The following CLRN2 variants were observed in gnomAD, a reference collection of about 807,000 sequenced individuals.
CLRN2 encodes clarin-2.
In CLRN2, 17 loss-of-function variants were observed where a neutral mutation model predicts 20.1. That is an observed-to-expected ratio of 0.85 (90% CI 0.58 to 1.27). The LOEUF (loss-of-function observed/expected upper bound fraction) is 1.27, where lower values mean the gene tolerates loss of function less well. Ranked by LOEUF, CLRN2 falls within the 50% of genes most tolerant of loss-of-function variation. The pLI is 0.00. For missense variants in CLRN2, 288 were observed against 299.5 expected (o/e 0.96, Z 0.28); for synonymous variants, 140 against 126.9 (o/e 1.10, Z -0.70).
Position 17,515,264 on chromosome 4 carries a change from A to G in CLRN2, c.-3A>G. On this transcript the variant is annotated 5_prime_UTR_variant, in exon 1 of 3. An upstream open reading frame in the 5' UTR loses its in-frame stop. Transcript: ENST00000511148. The stretch of plus-strand genomic sequence containing the variant: ...ACCTTGGGGATGACCTGCACCCACT[A>G]GCATGCCTGGATGGTTCAAAAAGGC... 6.2e-7 allele frequency: 1 copy of G among 1,613,392 alleles called. No individual in the cohort carries two copies. Among genetic ancestry groups the G allele is most frequent in the Non-Finnish European group, 8.5e-7 (1 of 1,179,744 alleles).
chr4:17,516,012 G>A (rs1711662715), intron 1 of CLRN2, among the ~76,000 whole-genome samples: 1 of 152,210 alleles, frequency 6.6e-6, no homozygotes, highest in South Asian at 2.1e-4. Context: ...CAAGTGGGTG[G>A]AGGCTGCCTG....
At chr4:17,518,815 G>A (rs1377651282) in intron 1 of CLRN2, among the ~76,000 whole-genome samples, 1 of 151,850 alleles carries the variant, frequency 6.6e-6, no homozygotes, top group Non-Finnish European at 1.5e-5. Flanking sequence ...TGATAAAGGA[G>A]AGGCAGATAA....
At position 17,525,727 on chromosome 4, in the gene CLRN2, G is replaced by C. The variant is rs1250529683; in HGVS notation, c.434-1090G>C. Among the ~76,000 whole-genome samples, 6 of 152,050 alleles carry C rather than the reference G, an allele frequency of 3.9e-5. No homozygotes were observed. The East Asian group carries it at 1.2e-3, about 29-fold the overall frequency. On this transcript the variant is annotated intron_variant, in intron 2 of 2. Coordinates refer to ENST00000511148, the MANE Select transcript of CLRN2 (RefSeq NM_001079827.2). ...CAACACGTAAAAATGTCCAAGTGAG[G>C]GGAAAAAAATCAAATTTAAAATCAA...
chr4:17,516,137 C>A (rs1256900375), intron 1 of CLRN2, among the ~76,000 whole-genome samples: 1 of 152,160 alleles, frequency 6.6e-6, no homozygotes, highest in Non-Finnish European at 1.5e-5. Flanking sequence ...ATCAGACTAC[C>A]CTGGCTGAAA....
intron 1 of CLRN2, among the ~76,000 whole-genome samples, chr4:17,517,349 A>G (rs893325156): frequency 6.6e-6 from 1 of 152,126 alleles, no homozygotes; most frequent in Admixed American, 6.6e-5. Context: ...GGGAGAGGGG[A>G]GGCCAGAGAG....
chr4:17,523,090 G>A (rs758661344), intron 2 of CLRN2, 47 bp downstream of exon 2: 2 of 1,515,404 alleles, frequency 1.3e-6, no homozygotes, highest in East Asian at 4.6e-5. Flanking sequence ...ACCATCATAG[G>A]GCTGGGCTCC....
intron 1 of CLRN2, 49 bp from the exon 2 acceptor site, chr4:17,522,815 G>C: frequency 6.3e-7 from 1 of 1,580,078 alleles, no homozygotes; most frequent in South Asian, 1.2e-5. Context: ...CTTCATGAAA[G>C]TGAGTCTAAC....
At chr4:17,516,835 T>C (rs1711687621) in intron 1 of CLRN2, among the ~76,000 whole-genome samples, 1 of 152,242 alleles carries the variant, frequency 6.6e-6, no homozygotes, top group Non-Finnish European at 1.5e-5. Flanking sequence ...TTCGGGACTT[T>C]AGGGGTCAAG....
intron 1 of CLRN2, among the ~76,000 whole-genome samples, chr4:17,515,757 T>C (rs1333106967): frequency 6.6e-6 from 1 of 152,234 alleles, no homozygotes; most frequent in Non-Finnish European, 1.5e-5. Context: ...TTGTGCATTT[T>C]TGCAGTTTAC....
At chr4:17,516,290 A>G (rs1435520238) in intron 1 of CLRN2, among the ~76,000 whole-genome samples, 2 of 152,224 alleles carry the variant, frequency 1.3e-5, no homozygotes, top group African/African-American at 4.8e-5. Context: ...GTCTGCACAA[A>G]CAGGAATCCA....
At chr4:17,521,499 T>C (rs903086296) in intron 1 of CLRN2, among the ~76,000 whole-genome samples, 1 of 152,236 alleles carries the variant, frequency 6.6e-6, no homozygotes, top group African/African-American at 2.4e-5. Flanking sequence ...TTCATAATGT[T>C]CAATTCTTCA....
intron 2 of CLRN2, 37 bp from the exon 3 acceptor site, chr4:17,526,780 A>G (rs757720050): frequency 1.7e-5 from 28 of 1,608,560 alleles, no homozygotes; most frequent in Non-Finnish European, 2.2e-5. Context: ...AGTTGCAAAA[A>G]GGAGCCGTGA....
intron 1 of CLRN2, among the ~76,000 whole-genome samples, chr4:17,517,489 A>T (rs1195400313): frequency 6.6e-6 from 1 of 152,212 alleles, no homozygotes; most frequent in Non-Finnish European, 1.5e-5. Context: ...TAACCTAATG[A>T]CCAGACCCCT....
At position 17,527,093 on chromosome 4, in the gene CLRN2, C is replaced by T. The variant is rs1333261271; in HGVS notation, c.*11C>T. Reference sequence around the variant, plus strand: ...GATATCTTGTATTAATAGCCTTCCCCTGTTCACAACCTGTCCTAAGTCAGT... The same window carrying T: ...GATATCTTGTATTAATAGCCTTCCCTTGTTCACAACCTGTCCTAAGTCAGT... On this transcript the variant is annotated 3_prime_UTR_variant, in exon 3 of 3. Transcript: ENST00000511148. 3.1e-6 allele frequency: 5 copies of T among 1,612,814 alleles called. No homozygotes were observed. The highest frequency in any genetic ancestry group is 4.2e-6 in the Non-Finnish European group (5 of 1,179,418).
chr4:17,522,700 G>A (rs1711862462), intron 1 of CLRN2, among the ~76,000 whole-genome samples, 164 bp from the exon 2 acceptor site: 1 of 152,150 alleles, frequency 6.6e-6, no homozygotes, highest in South Asian at 2.1e-4. Flanking sequence ...TGAATCTGGG[G>A]GCCATGAGTT....
Position 17,522,917 on chromosome 4 carries a change from C to T in CLRN2, c.307C>T (p.Leu103=). The change falls in exon 2 of 3, where the codon CTG becomes TTG. Residue 103 remains leucine (L), a synonymous_variant. Coordinates refer to ENST00000511148, the MANE Select transcript of CLRN2 (RefSeq NM_001079827.2). Reference sequence around the variant, plus strand: ...CGCAGGCCTTCATGTGATGATTCTGCTGCTCCTCTTCCTGGCCTTGGCCCT... The same window carrying T: ...CGCAGGCCTTCATGTGATGATTCTGTTGCTCCTCTTCCTGGCCTTGGCCCT... ...LNAGLHVMIL[L]LLFLALALAL... 1 of 1,614,056 alleles carries T rather than the reference C, an allele frequency of 6.2e-7. No homozygotes were observed.
In CLRN2 at chr4:17,527,104, C is replaced by A; in HGVS notation, c.*22C>A. On this transcript the variant is annotated 3_prime_UTR_variant, in exon 3 of 3. Transcript: ENST00000511148. ...TTAATAGCCTTCCCCTGTTCACAACCTGTCCTAAGTCAGTTCTGTGTGCGA... is the reference window on the plus strand; with the variant it reads ...TTAATAGCCTTCCCCTGTTCACAACATGTCCTAAGTCAGTTCTGTGTGCGA... The A allele has an allele frequency of 1.2e-6, 2 of 1,611,558 alleles. No homozygotes were observed. Among genetic ancestry groups the A allele is most frequent in the Non-Finnish European group, 1.7e-6 (2 of 1,178,786 alleles).
chr4:17,520,556 G>A (rs1412352727), intron 1 of CLRN2, among the ~76,000 whole-genome samples: 1 of 152,224 alleles, frequency 6.6e-6, no homozygotes, highest in Middle Eastern at 3.2e-3. Flanking sequence ...ATATTTCTAT[G>A]AGACTTGAGA....
At chr4:17,516,972 A>G (rs1037306676) in intron 1 of CLRN2, among the ~76,000 whole-genome samples, 3 of 152,214 alleles carry the variant, frequency 2.0e-5, no homozygotes, top group Admixed American at 6.5e-5. Flanking sequence ...ATTGTCCGCT[A>G]TCTCAATGGG....
Sources: allele counts gnomAD v4.1 joint callset (sites outside exome capture counted in the v4.1 genomes callset), GRCh38; gene constraint gnomAD v4.1.1; transcripts MANE v1.5; gene names NCBI Gene and HGNC (gene_info 2026-07-23, HGNC 2026-07-21).